The following PCDHGB7 variants were observed in gnomAD, a reference collection of about 807,000 sequenced individuals.
PCDHGB7 encodes the protein protocadherin gamma-B7.
PCDHGB7 carries 37 observed loss-of-function variants against 61.4 expected under a neutral mutation model. The ratio of observed to expected loss-of-function variants is 0.60; its 90% CI spans 0.46 to 0.79. The LOEUF (loss-of-function observed/expected upper bound fraction) is 0.79. PCDHGB7 is among the 30% of genes least tolerant of loss of function. PCDHGB7 has a pLI of 0.00. For missense variants in PCDHGB7, 1,166 were observed against 1,202.5 expected, an observed-to-expected ratio of 0.97 and a Z score of 0.45; for synonymous variants, 464 against 503.5, an observed-to-expected ratio of 0.92 and a Z score of 1.05.
intron 1 of PCDHGB7, among the ~76,000 whole-genome samples, chr5:141,481,678 G>A (rs1033213047): frequency 6.6e-6 from 1 of 152,006 alleles, no homozygotes; most frequent in African/African-American, 2.4e-5. Flanking sequence ...ATCAGGCCGG[G>A]CCTGGTGGCT....
At chr5:141,449,933 G>A (rs1012332454) in intron 1 of PCDHGB7, among the ~76,000 whole-genome samples, 1 of 149,752 alleles carries the variant, frequency 6.7e-6, no homozygotes, top group African/African-American at 2.5e-5. Flanking sequence ...ATACCTTATA[G>A]TATATTTTAC....
intron 1 of PCDHGB7, among the ~76,000 whole-genome samples, chr5:141,447,640 G>A (rs184184100): frequency 6.6e-6 from 1 of 152,198 alleles, no homozygotes; most frequent in Admixed American, 6.5e-5. Flanking sequence ...TATGAATGAT[G>A]GTAGAATTTT....
chr5:141,485,466 T>C lies in PCDHGB7; in HGVS notation c.2416-9341T>C, dbSNP rs1485922901. ...ATCGACCGAGAGGCACTGTGTGGGC[T>C]CAGTGCCAGCTGCATCGTGCCCCTG... On this transcript the variant is annotated intron_variant, in intron 1 of 3. Transcript: ENST00000398594. The surrounding 1 kb of genome is among the most constrained non-coding windows in gnomAD (Gnocchi z 5.7). 6.2e-7 allele frequency: 1 copy of C among 1,613,868 alleles called. No individual in the cohort carries two copies. Among genetic ancestry groups the C allele is most frequent in the Non-Finnish European group, 8.5e-7 (1 of 1,179,924 alleles).
At chr5:141,421,921 G>T in intron 1 of PCDHGB7, 1 of 1,613,644 alleles carries the variant, frequency 6.2e-7, no homozygotes, top group Non-Finnish European at 8.5e-7. Context: ...CATTCGTGTG[G>T]TGGTCCTCGA....
chr5:141,491,508 G>T lies in PCDHGB7; in HGVS notation c.2416-3299G>T. 1 of 1,614,030 alleles carries T rather than the reference G, an allele frequency of 6.2e-7. No homozygotes were observed. Among genetic ancestry groups the T allele is most frequent in the Non-Finnish European group, 8.5e-7 (1 of 1,180,014 alleles). ...ACCTGCAGGTGAGCTCGGACGGCACGCTCAAGTACATGGAGGTGACGCTGC... is the reference window on the plus strand; with the variant it reads ...ACCTGCAGGTGAGCTCGGACGGCACTCTCAAGTACATGGAGGTGACGCTGC... On this transcript the variant is annotated intron_variant, in intron 1 of 3. Transcript: ENST00000398594. The surrounding 1 kb of genome is among the most constrained non-coding windows in gnomAD (Gnocchi z 6.9).
At chr5:141,482,033 C>G (rs1185284483) in intron 1 of PCDHGB7, among the ~76,000 whole-genome samples, 1 of 149,194 alleles carries the variant, frequency 6.7e-6, no homozygotes, top group African/African-American at 2.5e-5. Flanking sequence ...TGCAGTGAGC[C>G]AAGATCATGC....
chr5:141,436,813 G>A (rs537103294), intron 1 of PCDHGB7, among the ~76,000 whole-genome samples: 91 of 152,320 alleles, frequency 6.0e-4, no homozygotes, highest in Non-Finnish European at 1.1e-3. Flanking sequence ...TGTGACAGCT[G>A]GTTTAAAAAT....
intron 1 of PCDHGB7, chr5:141,441,139 G>C (rs1000704603): frequency 6.6e-6 from 1 of 152,172 alleles, no homozygotes; most frequent in African/African-American, 2.4e-5. Context: ...ATTTCTAGAA[G>C]ATAATGACAA....
At position 141,419,146 on chromosome 5, in the gene PCDHGB7, G is replaced by A; in HGVS notation, c.1287G>A (p.Lys429=). ...NVTIAATDRG[K]PPLSSSKTIT... The stretch of plus-strand genomic sequence containing the variant: ...CCATCGCAGCCACAGACAGGGGCAA[G>A]CCTCCGTTATCCTCCAGCAAAACCA... Residue 429 remains lysine (K), a synonymous_variant, in exon 1 of 4, where the codon AAG becomes AAA. Coordinates refer to ENST00000398594, the MANE Select transcript of PCDHGB7 (RefSeq NM_018927.4). 6.2e-7 allele frequency: 1 copy of A among 1,613,922 alleles called. No individual in the cohort carries two copies. The highest frequency in any genetic ancestry group is 8.5e-7 in the Non-Finnish European group (1 of 1,179,888).
At chr5:141,422,318 G>A (rs778935746) in intron 1 of PCDHGB7, 10 of 1,548,110 alleles carry the variant, frequency 6.5e-6, no homozygotes, top group Non-Finnish European at 7.8e-6. Context: ...TCTCCTCCAG[G>A]TACAGTGATT....
rs777602456 is a variant in PCDHGB7, at chr5:141,418,066, C to T, written c.207C>T (p.Ser69=). The change falls in exon 1 of 4, where the codon AGC becomes AGT. Residue 69 remains serine, a synonymous_variant. Coordinates refer to ENST00000398594, the MANE Select transcript of PCDHGB7 (RefSeq NM_018927.4). ...TGTCGGCTCGCGAGCTGCGAGTGAG[C>T]GCGGAGAAGCTGCACTTCAGCGTAG... is the stretch of plus-strand genomic sequence containing the variant. The part of the protein sequence containing the change: ...LDVSARELRV[S]AEKLHFSVDA... 1 of 1,613,980 alleles carries T rather than the reference C, an allele frequency of 6.2e-7. No homozygotes were observed. The highest frequency in any genetic ancestry group is 8.5e-7 in the Non-Finnish European group (1 of 1,179,890).
intron 1 of PCDHGB7, among the ~76,000 whole-genome samples, chr5:141,468,089 T>C (rs1349447353): frequency 6.6e-6 from 1 of 151,010 alleles, no homozygotes; most frequent in Non-Finnish European, 1.5e-5. Context: ...CTTTGGGAGG[T>C]TGAGGCAGGC....
intron 1 of PCDHGB7, chr5:141,423,156 C>T (rs62378456): frequency 0.034 from 55,171 of 1,613,388 alleles, 1,070 homozygotes; most frequent in Middle Eastern, 0.098. Context: ...AGCAGAGCCT[C>T]GTGGTGGCCG....
Position 141,477,912 on chromosome 5 carries a change from A to T in PCDHGB7, c.2416-16895A>T. The T allele has an allele frequency of 6.2e-7, 1 of 1,614,166 alleles. No individual in the cohort carries two copies. Among genetic ancestry groups the T allele is most frequent in the Non-Finnish European group, 8.5e-7 (1 of 1,180,022 alleles). ...TCACGGGTGGTAGGCTGGGACGCGGATGCAGGGCACAATGCCTGGCTCTCC... is the reference window on the plus strand; with the variant it reads ...TCACGGGTGGTAGGCTGGGACGCGGTTGCAGGGCACAATGCCTGGCTCTCC... On this transcript the variant is annotated intron_variant, in intron 1 of 3. Coordinates refer to ENST00000398594, the MANE Select transcript of PCDHGB7 (RefSeq NM_018927.4). This position sits in a 1 kb window ranked among gnomAD's most constrained non-coding sequence, Gnocchi z 4.9.
At chr5:141,448,748 G>A (rs1476665217) in intron 1 of PCDHGB7, among the ~76,000 whole-genome samples, 1 of 151,980 alleles carries the variant, frequency 6.6e-6, no homozygotes, top group Admixed American at 6.6e-5. Context: ...AGACCATCCT[G>A]GCTAACACGG....
intron 2 of PCDHGB7, among the ~76,000 whole-genome samples, chr5:141,496,186 G>A (rs879940448): frequency 2.0e-5 from 3 of 152,018 alleles, no homozygotes; most frequent in Non-Finnish European, 4.4e-5. Flanking sequence ...AGCAGCCCCA[G>A]CTGCTCATTT....
intron 1 of PCDHGB7, chr5:141,478,753 G>A (rs2099475642): frequency 2.0e-6 from 3 of 1,519,424 alleles, no homozygotes; most frequent in Admixed American, 2.1e-5. Context: ...ATTTCAGGGG[G>A]AAGATACTTG....
At chr5:141,462,121 T>A (rs977258025) in intron 1 of PCDHGB7, among the ~76,000 whole-genome samples, 2 of 151,730 alleles carry the variant, frequency 1.3e-5, no homozygotes, top group Non-Finnish European at 2.9e-5. Context: ...CTGCACCCAG[T>A]CCAATTTTTT....
At chr5:141,423,701 G>A in intron 1 of PCDHGB7, 1 of 1,312,668 alleles carries the variant, frequency 7.6e-7, no homozygotes, top group Non-Finnish European at 9.9e-7. Flanking sequence ...TGGTGTCTTG[G>A]CACAAGTCTT....
Sources: gnomAD v4.1 joint callset for allele counts (sites outside exome capture counted in the v4.1 genomes callset) on GRCh38, gnomAD v4.1.1 for gene constraint, Gnocchi (gnomAD v3.1) non-coding constraint, MANE v1.5 for transcripts, NCBI Gene and HGNC (gene_info 2026-07-23, HGNC 2026-07-21) for gene names.